Variants in INPP4A observed in about 807,000 individuals in gnomAD.
INPP4A encodes inositol polyphosphate-4-phosphatase, type I, 107kD.
Under a neutral mutation model 119.8 loss-of-function variants are expected in INPP4A, and 33 were observed. That is an observed-to-expected ratio of 0.28 (90% CI 0.21 to 0.37). The LOEUF (loss-of-function observed/expected upper bound fraction) is 0.37. Ranked by LOEUF, INPP4A falls within the 10% of genes least tolerant of loss-of-function variation. INPP4A has a pLI of 1.00. For synonymous variants in INPP4A, 496 were observed against 500.7 expected, an observed-to-expected ratio of 0.99 and a Z score of 0.12; for missense variants, 956 against 1,289.9, an observed-to-expected ratio of 0.74 and a Z score of 3.97.
intron 1 of INPP4A, among the ~76,000 whole-genome samples, chr2:98,512,270 C>T (rs78183434): frequency 1.3e-5 from 2 of 152,344 alleles, no homozygotes; most frequent in East Asian, 3.9e-4. Context: ...AGCTCAGCAG[C>T]TCTTTCACCT....
At chr2:98,526,851 A>C (rs1688267102) in intron 4 of INPP4A, among the ~76,000 whole-genome samples, 2 of 152,184 alleles carry the variant, frequency 1.3e-5, no homozygotes, top group South Asian at 4.1e-4. Context: ...ATGATGAGAG[A>C]AGGATTAAAC....
At chr2:98,482,816 A>G (rs905756786) in intron 1 of INPP4A, among the ~76,000 whole-genome samples, 7 of 152,242 alleles carry the variant, frequency 4.6e-5, no homozygotes, top group African/African-American at 1.7e-4. Context: ...TTTGAAAATA[A>G]GTGAAAGCAT....
intron 8 of INPP4A, 134 bp downstream of exon 8, chr2:98,538,108 C>T (rs576595936): frequency 1.6e-4 from 97 of 622,816 alleles, no homozygotes; most frequent in African/African-American, 1.5e-3. Context: ...TCCCCACGGA[C>T]ACTCCGGTCC....
intron 24 of INPP4A, among the ~76,000 whole-genome samples, chr2:98,579,290 A>T (rs1211932263): frequency 6.6e-6 from 1 of 152,170 alleles, no homozygotes; most frequent in African/African-American, 2.4e-5. Flanking sequence ...ACCTCAGGTG[A>T]TCCGCCCACC....
In INPP4A at chr2:98,572,670, A is replaced by G. The variant is rs1575143212; in HGVS notation, c.2519-145A>G. 1.0e-5 allele frequency: 6 copies of G among 584,202 alleles called. No individual in the cohort carries two copies. The East Asian group carries it at 1.7e-4, about 16-fold the overall frequency. The allele number at this position is 584,202 out of a possible 1,614,324, so 36.2% of individuals were successfully genotyped here. ...CTCACCACACCAGCAGCCATGTCCT[A>G]TCCCCAAACACCTCCATCCCTTCTT... On this transcript the variant is annotated intron_variant, in intron 22 of 24. Coordinates refer to ENST00000409851, the MANE Select transcript of INPP4A (RefSeq NM_001134225.2).
chr2:98,586,176 CA>C (rs1433676246), intron 24 of INPP4A, among the ~76,000 whole-genome samples: 7 of 152,206 alleles, frequency 4.6e-5, no homozygotes, highest in African/African-American at 1.7e-4. Flanking sequence ...AAAGCATATC[CA>C]AGTTACCAAA....
chr2:98,475,513 G>A (rs1677027915), intron 1 of INPP4A, among the ~76,000 whole-genome samples: 1 of 152,194 alleles, frequency 6.6e-6, no homozygotes, highest in Admixed American at 6.5e-5. Context: ...GCAAAACTAT[G>A]GGTAACACAG....
chr2:98,480,702 C>G (rs558612994), intron 1 of INPP4A, among the ~76,000 whole-genome samples: 1 of 152,372 alleles, frequency 6.6e-6, no homozygotes, highest in African/African-American at 2.4e-5. Context: ...TGGTCCCTCA[C>G]TCCTGGCCCC....
intron 19 of INPP4A, among the ~76,000 whole-genome samples, chr2:98,565,311 C>T (rs1299664112): frequency 2.0e-5 from 3 of 152,196 alleles, no homozygotes; most frequent in African/African-American, 4.8e-5. Context: ...TAGCATCTCT[C>T]ATTTCGTGTT....
At chr2:98,486,811 C>G (rs1395057179) in intron 1 of INPP4A, among the ~76,000 whole-genome samples, 1 of 152,238 alleles carries the variant, frequency 6.6e-6, no homozygotes, top group African/African-American at 2.4e-5. Flanking sequence ...ATCTGTGGGC[C>G]CTGACCTGGA....
intron 1 of INPP4A, among the ~76,000 whole-genome samples, chr2:98,469,125 G>A (rs1015059304): frequency 1.8e-4 from 27 of 152,198 alleles, no homozygotes; most frequent in African/African-American, 6.3e-4. Context: ...GGTGGGGCCA[G>A]CATGACATTT....
intron 1 of INPP4A, among the ~76,000 whole-genome samples, chr2:98,505,082 G>A (rs528474463): frequency 6.6e-6 from 1 of 152,346 alleles, no homozygotes; most frequent in Admixed American, 6.5e-5. Flanking sequence ...AAAGTTGCCT[G>A]AATATTAAAG....
chr2:98,494,219 A>G (rs1027821547), intron 1 of INPP4A, among the ~76,000 whole-genome samples: 3 of 152,226 alleles, frequency 2.0e-5, no homozygotes, highest in Admixed American at 1.3e-4. Flanking sequence ...GCAGGCTGTC[A>G]GCATCCCCCT....
At chr2:98,555,043 T>C (rs1030014720) in intron 15 of INPP4A, among the ~76,000 whole-genome samples, 11 of 152,230 alleles carry the variant, frequency 7.2e-5, no homozygotes, top group African/African-American at 2.2e-4. Flanking sequence ...AGACTACTGC[T>C]TAGAGGCATT....
chr2:98,533,635 T>C (rs1689667223), intron 5 of INPP4A, 140 bp downstream of exon 5: 1 of 606,518 alleles, frequency 1.6e-6, no homozygotes, highest in African/African-American at 1.8e-5. Context: ...GGGTTTTCAG[T>C]ACATTGATAT....
chr2:98,555,885 T>G, intron 16 of INPP4A, 77 bp downstream of exon 16: 1 of 1,463,672 alleles, frequency 6.8e-7, no homozygotes, highest in African/African-American at 1.4e-5. Flanking sequence ...TGTCTCTGAC[T>G]CCATGCCCTC....
chr2:98,531,452 A>T (rs1689196532), intron 4 of INPP4A, among the ~76,000 whole-genome samples: 1 of 152,230 alleles, frequency 6.6e-6, no homozygotes, highest in African/African-American at 2.4e-5. Context: ...ATCTTTAAGA[A>T]GGAACACAGA....
In INPP4A at chr2:98,522,182, G is replaced by C. The variant is rs2105766637; in HGVS notation, c.151+1451G>C. ...CGTGCCTGTAATCCCAGCTACTCGGGAGGCTGAAGCAGGGGAATCGCTTGA... is the reference window on the plus strand; with the variant it reads ...CGTGCCTGTAATCCCAGCTACTCGGCAGGCTGAAGCAGGGGAATCGCTTGA... On this transcript the variant is annotated intron_variant, in intron 4 of 24. Coordinates refer to ENST00000409851, the MANE Select transcript of INPP4A (RefSeq NM_001134225.2). 2.0e-5 allele frequency among the ~76,000 whole-genome samples: 3 copies of C among 151,812 alleles called. No homozygotes were observed. The Middle Eastern group carries it at 0.01, about 520-fold the overall frequency.
At chr2:98,530,517 G>T (rs1252317862) in intron 4 of INPP4A, among the ~76,000 whole-genome samples, 1 of 152,184 alleles carries the variant, frequency 6.6e-6, no homozygotes, top group Non-Finnish European at 1.5e-5. Flanking sequence ...GGAACCAGAA[G>T]CAGGTGTTCA....
Sources: gnomAD v4.1 joint callset for allele counts (sites outside exome capture counted in the v4.1 genomes callset) on GRCh38, gnomAD v4.1.1 for gene constraint, MANE v1.5 for transcripts, NCBI Gene and HGNC (gene_info 2026-07-23, HGNC 2026-07-21) for gene names.